The following INSL6 variants were observed in gnomAD, a reference collection of about 807,000 sequenced individuals.
INSL6 encodes the protein insulin like 6.
A neutral mutation model predicts 9.4 loss-of-function variants in INSL6; 16 were observed. The observed-to-expected ratio is 1.70, with a 90% CI of 1.15 to 2.59. The LOEUF is 2.59. Ranked by LOEUF, INSL6 falls within the 30% of genes most tolerant of loss-of-function variation. INSL6 has a pLI of 0.00. For synonymous variants in INSL6, 154 were observed against 96.9 expected (o/e 1.59, Z -3.46); for missense variants, 391 against 257.3 (o/e 1.52, Z -3.56).
chr9:5,095,719 G>A, the INSL6 span, among the ~76,000 whole-genome samples: 2 of 152,060 alleles, frequency 1.3e-5, no homozygotes, highest in Admixed American at 6.6e-5. Context: ...TAACGTAAGC[G>A]GTTGAGGAGG....
chr9:5,008,429 G>C, the INSL6 span, among the ~76,000 whole-genome samples: 2 of 152,162 alleles, frequency 1.3e-5, no homozygotes, highest in African/African-American at 4.8e-5. Flanking sequence ...TTAAGAAAAG[G>C]GCTGGCACTT....
At chr9:5,029,685 TAA>T in the INSL6 span, 1 of 1,106,042 alleles carries the variant, frequency 9.0e-7, no homozygotes, top group Non-Finnish European at 1.3e-6. Flanking sequence ...GTTCCGATTT[TAA>T]GAGTTGTTAC....
chr9:5,098,601 T>A, the INSL6 span: 1 of 152,214 alleles, frequency 6.6e-6, no homozygotes, highest in African/African-American at 2.4e-5. Context: ...ATAAAACAGA[T>A]GAAGTTAATA....
chr9:5,035,715 T>C, the INSL6 span, among the ~76,000 whole-genome samples: 2 of 152,198 alleles, frequency 1.3e-5, no homozygotes, highest in African/African-American at 4.8e-5. Context: ...AAATTAGGTA[T>C]TGATGGGACG....
chr9:5,089,719 G>A, the INSL6 span: 1 of 1,564,918 alleles, frequency 6.4e-7, no homozygotes, highest in Non-Finnish European at 8.7e-7. Context: ...CCCTCTACAG[G>A]ACAACACTGG....
the INSL6 span, chr9:5,110,669 A>T: frequency 3.3e-6 from 1 of 306,280 alleles, no homozygotes; most frequent in Admixed American, 4.4e-5. Context: ...ATACTGTCAT[A>T]TACCAACGCC....
At chr9:5,030,810 A>G in the INSL6 span, among the ~76,000 whole-genome samples, 1 of 152,058 alleles carries the variant, frequency 6.6e-6, no homozygotes, top group African/African-American at 2.4e-5. Context: ...ATGTGTTTGC[A>G]TTTACTGATG....
chr9:5,080,851 C>G, the INSL6 span, among the ~76,000 whole-genome samples: 7 of 149,466 alleles, frequency 4.7e-5, no homozygotes, highest in African/African-American at 1.7e-4. Context: ...TTCTAATCTC[C>G]TTGACTGAGA....
chr9:5,080,773 A>AT, the INSL6 span: 1 of 988,494 alleles, frequency 1.0e-6, no homozygotes, highest in East Asian at 2.8e-5. Flanking sequence ...CCTTTAAAAC[A>AT]TTTTCTTGAT....
chr9:5,069,196 C>T, the INSL6 span: 3 of 1,599,644 alleles, frequency 1.9e-6, no homozygotes, highest in Non-Finnish European at 2.6e-6. Flanking sequence ...ATGCTGTCCC[C>T]CAAAGCCAAA....
intron 2 of INSL6, among the ~76,000 whole-genome samples, chr9:5,144,791 C>T (rs1462897888): frequency 6.6e-6 from 1 of 152,138 alleles, no homozygotes; most frequent in Non-Finnish European, 1.5e-5. Flanking sequence ...AAGATTGCAA[C>T]CACTAATTTT....
At chr9:5,064,875 C>G in the INSL6 span, 1 of 1,529,738 alleles carries the variant, frequency 6.5e-7, no homozygotes, top group Non-Finnish European at 8.8e-7. Flanking sequence ...TTTCTTTTCT[C>G]TGCTTAGGAA....
At chr9:5,011,312 A>G in the INSL6 span, among the ~76,000 whole-genome samples, 2 of 152,106 alleles carry the variant, frequency 1.3e-5, no homozygotes, top group Non-Finnish European at 2.9e-5. Context: ...CAGCCTCCCA[A>G]GTAGCTGGGA....
intron 1 of INSL6, among the ~76,000 whole-genome samples, chr9:5,184,292 A>C (rs1193280413): frequency 6.6e-6 from 1 of 152,192 alleles, no homozygotes; most frequent in Non-Finnish European, 1.5e-5. Flanking sequence ...GATTTGTCCA[A>C]ATCAAATCAA....
intron 2 of INSL6, among the ~76,000 whole-genome samples, chr9:5,157,693 T>G (rs1240337726): frequency 1.3e-5 from 2 of 152,164 alleles, no homozygotes; most frequent in African/African-American, 2.4e-5. Context: ...CCAAGTTCCT[T>G]CAAATAACTG....
At chr9:5,033,971 T>A in the INSL6 span, among the ~76,000 whole-genome samples, 2 of 152,126 alleles carry the variant, frequency 1.3e-5, no homozygotes, top group African/African-American at 4.8e-5. Flanking sequence ...TCAAGACCCA[T>A]CAGTGTGCTG....
At chr9:5,046,020 C>T in the INSL6 span, among the ~76,000 whole-genome samples, 1 of 152,092 alleles carries the variant, frequency 6.6e-6, no homozygotes. Context: ...CACAAGTGTT[C>T]CAATTTCTCA....
chr9:5,016,543 T>A, the INSL6 span, among the ~76,000 whole-genome samples: 1 of 152,192 alleles, frequency 6.6e-6, no homozygotes, highest in African/African-American at 2.4e-5. Context: ...TGATAAAATT[T>A]AAAAATGTAA....
At chr9:5,130,376 T>A (rs1824247372) in intron 3 of INSL6, among the ~76,000 whole-genome samples, 1 of 152,226 alleles carries the variant, frequency 6.6e-6, no homozygotes, top group African/African-American at 2.4e-5. Flanking sequence ...CTTTTAGATC[T>A]GAATTATTGG....
Sources: gnomAD v4.1 joint callset for allele counts (sites outside exome capture counted in the v4.1 genomes callset) on GRCh38, gnomAD v4.1.1 for gene constraint, MANE v1.5 for transcripts, NCBI Gene and HGNC (gene_info 2026-07-23, HGNC 2026-07-21) for gene names.